VPS13C: variants seen among roughly 807,000 people sequenced by gnomAD.
VPS13C encodes the protein intermembrane lipid transfer protein VPS13C.
VPS13C carries 358 observed loss-of-function variants against 456.8 expected under a neutral mutation model. The ratio of observed to expected loss-of-function variants is 0.78; its 90% confidence interval spans 0.72 to 0.86. The LOEUF (loss-of-function observed/expected upper bound fraction) is 0.86, where lower values mean the gene tolerates loss of function less well. Among genes scored for constraint, VPS13C ranks in the 40% least tolerant of loss-of-function variants. The pLI is 0.00. For synonymous variants in VPS13C, 1,578 were observed against 1,486.7 expected, an observed-to-expected ratio of 1.06 and a Z score of -1.41; for missense variants, 4,818 against 4,385.4, an observed-to-expected ratio of 1.10 and a Z score of -2.79.
intron 9 of VPS13C, among the ~76,000 whole-genome samples, chr15:62,016,020 GCT>G (rs146035586): frequency 0.034 from 4,805 of 142,562 alleles, 130 homozygotes; most frequent in Non-Finnish European, 0.05. Flanking sequence ...TGTTTCTTCA[GCT>G]CTCTCTTTTT....
chr15:61,929,846 C>A (rs2043996646), intron 50 of VPS13C, 98 bp from the exon 51 acceptor site: 9 of 1,223,164 alleles, frequency 7.4e-6, no homozygotes, highest in South Asian at 3.2e-5. Context: ...TTTCACCTTT[C>A]AGTTTCTAAT....
chr15:61,900,598 G>A (rs906230876), intron 66 of VPS13C, among the ~76,000 whole-genome samples: 2 of 151,112 alleles, frequency 1.3e-5, no homozygotes, highest in Non-Finnish European at 3.0e-5. Context: ...CACTGCTCAA[G>A]GAAATAAAAG....
At chr15:61,956,289 C>A (rs1018528942) in intron 37 of VPS13C, among the ~76,000 whole-genome samples, 16 of 145,580 alleles carry the variant, frequency 1.1e-4, no homozygotes, top group Admixed American at 3.6e-4. Flanking sequence ...TACACATGGA[C>A]ACAAAGATGG....
chr15:61,917,657 A>C, intron 59 of VPS13C, 22 bp from the exon 60 acceptor site: 1 of 1,598,242 alleles, frequency 6.3e-7, no homozygotes, highest in Non-Finnish European at 8.5e-7. Context: ...GGAAACAGTG[A>C]CAATAAAGTT....
chr15:61,913,457 C>T (rs376213607), intron 61 of VPS13C, 42 bp from the exon 62 acceptor site: 4 of 1,521,108 alleles, frequency 2.6e-6, no homozygotes, highest in Admixed American at 1.8e-5. Context: ...AAATCTAAAA[C>T]ACTATAATAA....
chr15:62,051,759 G>T (rs1278729904), intron 1 of VPS13C, among the ~76,000 whole-genome samples: 2 of 152,202 alleles, frequency 1.3e-5, no homozygotes, highest in Admixed American at 6.5e-5. Context: ...GTAGGATAGA[G>T]TCAAGGGGGT....
chr15:61,946,792 C>T (rs1442978651), intron 43 of VPS13C, among the ~76,000 whole-genome samples: 1 of 151,966 alleles, frequency 6.6e-6, no homozygotes, highest in African/African-American at 2.4e-5. Context: ...AGTGATCTTA[C>T]AAACATTTAC....
At chr15:62,041,613 T>C (rs1295574393) in intron 2 of VPS13C, among the ~76,000 whole-genome samples, 1 of 151,572 alleles carries the variant, frequency 6.6e-6, no homozygotes. Context: ...AGTTCAGGAG[T>C]TCGAGACCAG....
intron 15 of VPS13C, among the ~76,000 whole-genome samples, chr15:62,003,731 G>C (rs575611563): frequency 6.6e-6 from 1 of 151,662 alleles, no homozygotes; most frequent in Non-Finnish European, 1.5e-5. Flanking sequence ...TAGCATGAAG[G>C]GCTGTTGAAT....
chr15:61,918,805 AG>A (rs1202529914), intron 58 of VPS13C, among the ~76,000 whole-genome samples: 2 of 152,124 alleles, frequency 1.3e-5, no homozygotes. Flanking sequence ...ACACAGAAAA[AG>A]AAAAATGTTG....
At chr15:62,019,125 G>T (rs183920946) in intron 9 of VPS13C, among the ~76,000 whole-genome samples, 1 of 151,968 alleles carries the variant, frequency 6.6e-6, no homozygotes, top group African/African-American at 2.4e-5. Context: ...CTGTGGGATC[G>T]GTGGTGATAT....
At chr15:61,992,917 G>A (rs913795341) in intron 16 of VPS13C, among the ~76,000 whole-genome samples, 1 of 151,922 alleles carries the variant, frequency 6.6e-6, no homozygotes, top group Admixed American at 6.6e-5. Context: ...TGCAGCCAAG[G>A]TTCAGAACCA....
At chr15:61,895,628 T>A (rs1003186358) in intron 66 of VPS13C, among the ~76,000 whole-genome samples, 1 of 152,092 alleles carries the variant, frequency 6.6e-6, no homozygotes, top group African/African-American at 2.4e-5. Flanking sequence ...ACACAAACAG[T>A]CTGCTAATAA....
Position 61,875,795 on chromosome 15 carries a change from G to T in VPS13C, c.10275C>A (p.Asn3425Lys), listed in dbSNP as rs763749304. ...VLVLGLDVLG[N>K]PFGLIRGLSE... ...ACAGACCTCTAATTAATCCAAATGGGTTTCCAAGTACATCTAACCCCAATA... is the reference window on the plus strand; with the variant it reads ...ACAGACCTCTAATTAATCCAAATGGTTTTCCAAGTACATCTAACCCCAATA... The change falls in exon 76 of 85, where the codon AAC (asparagine) becomes AAA (lysine). Residue 3425 changes from asparagine (N) to lysine (K), a missense_variant. Around this residue, in one of 3 missense-constraint regions of VPS13C, gnomAD observed 4,552 missense variants for 4,130.6 expected, o/e 1.10. Transcript: ENST00000644861. 1 of 1,607,898 alleles carries T rather than the reference G, an allele frequency of 6.2e-7. No homozygotes were observed. Among genetic ancestry groups the T allele is most frequent in the Non-Finnish European group, 8.5e-7 (1 of 1,177,914 alleles).
chr15:61,859,735 G>T (rs576632703), intron 82 of VPS13C, among the ~76,000 whole-genome samples: 1 of 152,004 alleles, frequency 6.6e-6, no homozygotes. Context: ...CCTATCACAC[G>T]GTGATATCAT....
chr15:62,019,337 A>G (rs2047372972), intron 9 of VPS13C, among the ~76,000 whole-genome samples: 1 of 151,844 alleles, frequency 6.6e-6, no homozygotes, highest in Non-Finnish European at 1.5e-5. Flanking sequence ...CTAGCTTTTG[A>G]ATGTGTTTGC....
chr15:61,858,326 C>T lies in VPS13C; in HGVS notation c.10953-1917G>A. ...TTTTATCCAAACTCCAACTATCTAT[C>T]TATCTATCTATCTATCTATCTATCT... On this transcript the variant is annotated intron_variant, in intron 82 of 84. Transcript: ENST00000644861. This position sits in a 1 kb window ranked among gnomAD's most constrained non-coding sequence, Gnocchi z 4.4. Among the ~76,000 whole-genome samples, 1 of 64,226 alleles carries T rather than the reference C, an allele frequency of 1.6e-5. No homozygotes were observed. Among genetic ancestry groups the T allele is most frequent in the South Asian group, 5.3e-4 (1 of 1,874 alleles). 42.1% of individuals were successfully genotyped at this position (64,226 alleles called of 152,430 possible). A position where few individuals can be genotyped will look rare whatever the true frequency, so the allele number is the denominator to read the frequency against.
intron 67 of VPS13C, among the ~76,000 whole-genome samples, chr15:61,887,026 T>C (rs1419531097): frequency 2.6e-5 from 4 of 151,994 alleles, no homozygotes; most frequent in Non-Finnish European, 5.9e-5. Flanking sequence ...TCTCAACCAT[T>C]CCCACCTCAA....
intron 6 of VPS13C, among the ~76,000 whole-genome samples, chr15:62,025,094 T>A (rs550688563): frequency 1.2e-4 from 18 of 152,252 alleles, no homozygotes; most frequent in African/African-American, 3.6e-4. Flanking sequence ...AGGTCAGAGA[T>A]AATCCTACAC....
Sources: allele counts gnomAD v4.1 joint callset (sites outside exome capture counted in the v4.1 genomes callset), GRCh38; gene constraint gnomAD v4.1.1; regional missense constraint gnomAD v4.1.1; non-coding constraint Gnocchi (gnomAD v3.1); transcripts MANE v1.5; gene names NCBI Gene and HGNC (gene_info 2026-07-23, HGNC 2026-07-21).